SOS1: variants seen among roughly 807,000 people sequenced by gnomAD.
The protein encoded by SOS1 is SOS Ras/Rac guanine nucleotide exchange factor 1.
SOS1 carries 25 observed loss-of-function variants against 157.6 expected under a neutral mutation model. That is an observed-to-expected ratio of 0.16 (90% confidence interval 0.12 to 0.22). The LOEUF is 0.22. Ranked by LOEUF, SOS1 falls within the 10% of genes least tolerant of loss-of-function variation. The pLI is 1.00. For synonymous variants in SOS1, 528 were observed against 534.0 expected (o/e 0.99, Z 0.16); for missense variants, 1,237 against 1,599.1 (o/e 0.77, Z 3.86).
intron 1 of SOS1, among the ~76,000 whole-genome samples, chr2:39,075,308 G>T (rs1041362930): frequency 6.6e-6 from 1 of 152,042 alleles, no homozygotes; most frequent in South Asian, 2.1e-4. Context: ...ACCAACTTAG[G>T]ACAGGAAATA....
At chr2:39,035,717 ATATGT>A (rs1424746882) in intron 6 of SOS1, among the ~76,000 whole-genome samples, 2 of 152,208 alleles carry the variant, frequency 1.3e-5, no homozygotes, top group African/African-American at 2.4e-5. Context: ...TAAAATCCTT[ATATGT>A]TATAACAGCT....
chr2:39,058,284 A>G (rs1344543705), intron 3 of SOS1, among the ~76,000 whole-genome samples: 4 of 152,036 alleles, frequency 2.6e-5, no homozygotes, highest in Non-Finnish European at 5.9e-5. Flanking sequence ...ATAGCCTTGT[A>G]GCCTTTTCAC....
Position 38,985,744 on chromosome 2 carries a change from T to A in SOS1, c.*80A>T. 175 of 1,392,682 alleles carry A rather than the reference T, an allele frequency of 1.3e-4. No individual in the cohort carries two copies. Among genetic ancestry groups the A allele is most frequent in the Middle Eastern group, 6.2e-4 (3 of 4,864 alleles). The allele number at this position is 1,392,682 out of a possible 1,614,324, so 86.3% of individuals were successfully genotyped here. ...TGTTTGGAGTTCTCATTTTAACTCC[T>A]CAGTGCTGGCACATTCAGTGCATCC... is the stretch of plus-strand genomic sequence containing the variant. On this transcript the variant is annotated 3_prime_UTR_variant, in exon 23 of 23. Coordinates refer to ENST00000402219, the MANE Select transcript of SOS1 (RefSeq NM_005633.4).
intron 22 of SOS1, among the ~76,000 whole-genome samples, chr2:38,987,229 T>C (rs1668583717): frequency 6.6e-6 from 1 of 152,200 alleles, no homozygotes; most frequent in Admixed American, 6.5e-5. Context: ...ATTAAAACTT[T>C]TGTTTTTTTC....
intron 6 of SOS1, 136 bp downstream of exon 6, chr2:39,051,008 T>G (rs559548159): frequency 1.2e-6 from 1 of 816,074 alleles, no homozygotes; most frequent in African/African-American, 1.7e-5. Flanking sequence ...AATGACCCTA[T>G]GAAAAAGGAG....
At position 39,023,112 on chromosome 2, in the gene SOS1, T is replaced by C. The variant is rs1057517861; in HGVS notation, c.1316A>G (p.Gln439Arg). 6.2e-7 allele frequency: 1 copy of C among 1,613,304 alleles called. No homozygotes were observed. The highest frequency in any genetic ancestry group is 2.2e-5 in the East Asian group (1 of 44,874). Residue 439 changes from glutamine (Q) to arginine (R), a missense_variant, in exon 10 of 23, where the codon CAG becomes CGG. By Grantham distance (43) the Gln-to-Arg change is conservative (BLOSUM62 1). Around this residue, in one of 15 missense-constraint regions of SOS1, gnomAD observed 210 missense variants for 220.2 expected, o/e 0.95. Transcript: ENST00000402219. Reference sequence around the variant, plus strand: ...TTCCATTATAAATTCATTACAACACTGTCCAATGTCTTTTCCCTCCCAACC... The same window carrying C: ...TTCCATTATAAATTCATTACAACACCGTCCAATGTCTTTTCCCTCCCAACC... ...IDGWEGKDIG[Q>R]CCNEFIMEGT... is the part of the protein sequence containing the mutation.
chr2:39,048,649 G>C (rs570455688), intron 6 of SOS1, among the ~76,000 whole-genome samples: 1 of 151,996 alleles, frequency 6.6e-6, no homozygotes, highest in African/African-American at 2.4e-5. Flanking sequence ...CAATCCACCT[G>C]CCTCAGTCTC....
At chr2:39,023,327 G>A (rs1669856858) in intron 9 of SOS1, 102 bp from the exon 10 acceptor site, 1 of 810,148 alleles carries the variant, frequency 1.2e-6, no homozygotes. Flanking sequence ...AAGTCTCACT[G>A]AGAAGGTATT....
intron 1 of SOS1, chr2:39,082,767 G>A (rs1672252618): frequency 1.3e-5 from 2 of 152,172 alleles, no homozygotes; most frequent in African/African-American, 4.8e-5. Flanking sequence ...ACCTACAGGT[G>A]TCAAGGTCAA....
At chr2:39,011,300 A>G (rs1669460578) in intron 14 of SOS1, among the ~76,000 whole-genome samples, 1 of 152,182 alleles carries the variant, frequency 6.6e-6, no homozygotes, top group African/African-American at 2.4e-5. Context: ...ACTCCTCCAT[A>G]ATATCTTTCC....
intron 17 of SOS1, among the ~76,000 whole-genome samples, chr2:39,001,043 A>C (rs1163050923): frequency 2.0e-5 from 3 of 152,208 alleles, no homozygotes; most frequent in Non-Finnish European, 4.4e-5. Flanking sequence ...ATTAAGGTAC[A>C]TCCTCCTTTT....
At chr2:39,075,003 T>C (rs534378305) in intron 1 of SOS1, among the ~76,000 whole-genome samples, 81 of 150,984 alleles carry the variant, frequency 5.4e-4, no homozygotes, top group African/African-American at 1.8e-3. Flanking sequence ...TGCTAAGGAG[T>C]TGGGAAGTGA....
At position 39,061,998 on chromosome 2, in the gene SOS1, TA is replaced by T. The variant is rs58753292; in HGVS notation, c.214-3195del. Among the ~76,000 whole-genome samples, 180 of 149,882 alleles carry T rather than the reference TA, an allele frequency of 1.2e-3. 2 individuals carry two copies. Among genetic ancestry groups the T allele is most frequent in the African/African-American group, 4.2e-3 (173 of 41,098 alleles). ...TAAATTCTTACATATGTACTTCAGT[TA>T]AAAAAAAAATCAGATCCCCACATAC... On this transcript the variant is annotated intron_variant, in intron 2 of 22. Coordinates refer to ENST00000402219, the MANE Select transcript of SOS1 (RefSeq NM_005633.4).
At chr2:39,062,856 ATTATAT>A (rs1368651144) in intron 2 of SOS1, among the ~76,000 whole-genome samples, 2 of 152,010 alleles carry the variant, frequency 1.3e-5, no homozygotes, top group Non-Finnish European at 2.9e-5. Flanking sequence ...AATACAGAAA[ATTATAT>A]TTATTATAAA....
intron 6 of SOS1, among the ~76,000 whole-genome samples, chr2:39,036,685 T>C (rs1156611941): frequency 6.6e-6 from 1 of 151,612 alleles, no homozygotes; most frequent in Non-Finnish European, 1.5e-5. Flanking sequence ...GCCATTCTCC[T>C]GCCTCAGCCT....
At chr2:38,998,894 G>C (rs1668993289) in intron 17 of SOS1, among the ~76,000 whole-genome samples, 2 of 152,178 alleles carry the variant, frequency 1.3e-5, no homozygotes, top group South Asian at 4.1e-4. Context: ...CAGGTACAAA[G>C]ATGAGAAAGA....
rs144835397 is a variant in SOS1, at chr2:39,087,024, G to T, written c.88-19271C>A. On this transcript the variant is annotated intron_variant, in intron 1 of 22. Coordinates refer to ENST00000402219, the MANE Select transcript of SOS1 (RefSeq NM_005633.4). The stretch of plus-strand genomic sequence containing the variant: ...GACGGGGTTTTGCCATTTTGGCCAG[G>T]CTGGTCTTGGAACTCCTAACCTCAG... Among the ~76,000 whole-genome samples the T allele has an allele frequency of 4.3e-3, 651 of 152,188 alleles. 7 individuals are homozygous for T. The highest frequency in any genetic ancestry group is 0.015 in the African/African-American group (621 of 41,512).
intron 1 of SOS1, among the ~76,000 whole-genome samples, chr2:39,076,693 T>C (rs896785805): frequency 6.6e-6 from 1 of 152,038 alleles, no homozygotes; most frequent in Non-Finnish European, 1.5e-5. Context: ...TCATAATCAA[T>C]AGTGCAATAC....
intron 17 of SOS1, among the ~76,000 whole-genome samples, chr2:39,005,339 A>T (rs1420720874): frequency 1.3e-5 from 2 of 152,196 alleles, no homozygotes; most frequent in Non-Finnish European, 2.9e-5. Context: ...ATATTTTCAA[A>T]TACAGAAAAA....
Sources: gnomAD v4.1 joint callset for allele counts (sites outside exome capture counted in the v4.1 genomes callset) on GRCh38, gnomAD v4.1.1 for gene constraint, gnomAD v4.1.1 regional missense constraint, MANE v1.5 for transcripts, NCBI Gene and HGNC (gene_info 2026-07-23, HGNC 2026-07-21) for gene names.